The following SPAG5 variants were observed in gnomAD, a reference collection of about 807,000 sequenced individuals.
SPAG5 encodes sperm associated antigen 5, also known as sperm-associated antigen 5.
In SPAG5, 99 loss-of-function variants were observed where a neutral mutation model predicts 145.4. The ratio of observed to expected loss-of-function variants is 0.68; its 90% CI spans 0.58 to 0.80. The LOEUF (loss-of-function observed/expected upper bound fraction) is 0.80, where lower values mean the gene tolerates loss of function less well. Among genes scored for constraint, SPAG5 ranks in the 30% least tolerant of loss-of-function variants. The pLI, the probability that SPAG5 is intolerant of heterozygous loss-of-function variation, is 0.00. For missense variants in SPAG5, 1,192 were observed against 1,416.0 expected, an observed-to-expected ratio of 0.84 and a Z score of 2.54; for synonymous variants, 477 against 525.4, an observed-to-expected ratio of 0.91 and a Z score of 1.26.
At chr17:28,581,250 T>C (rs1043182996) in intron 15 of SPAG5, among the ~76,000 whole-genome samples, 1 of 152,170 alleles carries the variant, frequency 6.6e-6, no homozygotes, top group African/African-American at 2.4e-5. Flanking sequence ...AAAATACTTA[T>C]TATATGGCCA....
In SPAG5 at chr17:28,584,184, G is replaced by A; in HGVS notation, c.2378C>T (p.Ala793Val). The A allele has an allele frequency of 6.2e-7, 1 of 1,613,938 alleles. No individual in the cohort carries two copies. The highest frequency in any genetic ancestry group is 2.2e-5 in the East Asian group (1 of 44,884). ...CTCTTTCAGGTCCCGCACCTCTTTG[G>A]CCAGGACAGCTTGTTGCTGCTGCAG... ...AELQQQQAVL[A>V]KEVRDLKETL... The change falls in exon 13 of 24, where the codon GCC becomes GTC. Residue 793 changes from alanine to valine, a missense_variant. This residue lies in a region of SPAG5 where 709 missense variants were observed against 840.7 expected (regional missense o/e 0.84). Coordinates refer to ENST00000321765, the MANE Select transcript of SPAG5 (RefSeq NM_006461.4).
rs1374106632 is a variant in SPAG5, at chr17:28,586,136, A to G, written c.1559T>C (p.Leu520Pro). ...ATCTTCTTCTAAATGCAACAGGGAT[A>G]GGTGAAGCAAGGATATCAGCTCTTT... Reference protein sequence around the residue: ...ISKELISLLHLSLLHLEEDKT... With the variant: ...ISKELISLLHPSLLHLEEDKT... The change falls in exon 6 of 24, where the codon CTA becomes CCA. Residue 520 changes from leucine (L) to proline (P), a missense_variant. Leu to Pro is a moderately conservative substitution (Grantham distance 98, BLOSUM62 -3). Transcript: ENST00000321765. 1 of 1,614,084 alleles carries G rather than the reference A, an allele frequency of 6.2e-7. No homozygotes were observed. The highest frequency in any genetic ancestry group is 8.5e-7 in the Non-Finnish European group (1 of 1,180,024).
chr17:28,595,409 T>C (rs982787192), intron 2 of SPAG5, among the ~76,000 whole-genome samples: 3 of 152,214 alleles, frequency 2.0e-5, no homozygotes, highest in African/African-American at 4.8e-5. Flanking sequence ...TATACATTTA[T>C]ATATTCAAAT....
chr17:28,586,004 T>C lies in SPAG5; in HGVS notation c.1606-6A>G, dbSNP rs927955541. ...AATGTTTCTGCACGCCGAGACTATA[T>C]GGTAAGAATCAGTTAATGTGTCTGG... On this transcript the variant is annotated splice_region_variant and splice_polypyrimidine_tract_variant and intron_variant, in intron 6 of 23. Coordinates refer to ENST00000321765, the MANE Select transcript of SPAG5 (RefSeq NM_006461.4). 13 of 1,614,218 alleles carry C rather than the reference T, an allele frequency of 8.1e-6. No individual in the cohort carries two copies. The highest frequency in any genetic ancestry group is 7.6e-6 in the Non-Finnish European group (9 of 1,180,028).
rs753583160 is a variant in SPAG5 at position 28,585,964 on chromosome 17, A to C, written c.1640T>G (p.Phe547Cys). 6.2e-7 allele frequency: 1 copy of C among 1,614,132 alleles called. No homozygotes were observed. The highest frequency in any genetic ancestry group is 1.3e-5 in the African/African-American group (1 of 74,952). The change falls in exon 7 of 24, where the codon TTT becomes TGT. Residue 547 changes from phenylalanine to cysteine, a missense_variant. By Grantham distance (205) the Phe-to-Cys change is radical. This residue lies in a region of SPAG5 where 709 missense variants were observed against 840.7 expected (regional missense o/e 0.84). Coordinates refer to ENST00000321765, the MANE Select transcript of SPAG5 (RefSeq NM_006461.4). ...TGCCCTCAATTTCTTCAGCAAATCA[A>C]AACAGCAACAGACCAATGTTTCTGC... ...RRAETLVCCCFDLLKKLRAKL... is the reference protein window; with the variant it reads ...RRAETLVCCCCDLLKKLRAKL...
intron 13 of SPAG5, 81 bp from the exon 14 acceptor site, chr17:28,584,067 C>G: frequency 6.2e-7 from 1 of 1,608,428 alleles, no homozygotes; most frequent in East Asian, 2.2e-5. Context: ...AGTTCACAGT[C>G]TCAAACCTTA....
chr17:28,578,320 T>C, intron 21 of SPAG5, 28 bp from the exon 22 acceptor site: 2 of 1,613,882 alleles, frequency 1.2e-6, no homozygotes, highest in Non-Finnish European at 1.7e-6. Context: ...TCAACAGGGG[T>C]ACAGCCTGGG....
intron 2 of SPAG5, among the ~76,000 whole-genome samples, chr17:28,594,204 G>C (rs944983717): frequency 7.2e-5 from 11 of 152,304 alleles, no homozygotes; most frequent in Admixed American, 2.0e-4. Flanking sequence ...GACTAGAAAA[G>C]ATACATGCTA....
At position 28,584,334 on chromosome 17, in the gene SPAG5, G is replaced by C; in HGVS notation, c.2308C>G (p.Gln770Glu). The C allele has an allele frequency of 6.2e-7, 1 of 1,614,118 alleles. No homozygotes were observed. ...LTQSNEEQAA[Q>E]WQKEEMALKH... is the part of the protein sequence containing the mutation. ...CACAGTACCCCGTTAGGAACTCACTGAGCAGCCTGCTCCTCATTGCTCTGG... is the reference window on the plus strand; with the variant it reads ...CACAGTACCCCGTTAGGAACTCACTCAGCAGCCTGCTCCTCATTGCTCTGG... Residue 770 changes from glutamine (Q) to glutamate (E), a missense_variant and splice_region_variant, in exon 12 of 24, where the codon CAA (glutamine) becomes GAA (glutamate). Physicochemically the swap from Gln to Glu is conservative, Grantham distance 29. This residue lies in a region of SPAG5 where 709 missense variants were observed against 840.7 expected (regional missense o/e 0.84). Coordinates refer to ENST00000321765, the MANE Select transcript of SPAG5 (RefSeq NM_006461.4).
chr17:28,581,499 C>T (rs1483190470), intron 15 of SPAG5, among the ~76,000 whole-genome samples: 1 of 151,230 alleles, frequency 6.6e-6, no homozygotes, highest in Admixed American at 6.6e-5. Context: ...CATGGCTCAA[C>T]CTCTTCTGTT....
At chr17:28,580,741 G>A (rs944272420) in intron 15 of SPAG5, 3 of 152,200 alleles carry the variant, frequency 2.0e-5, no homozygotes, top group Non-Finnish European at 2.9e-5. Context: ...TGGATCCTCT[G>A]GGTTAAGTCC....
rs1214316861 is a variant in SPAG5, at chr17:28,579,125, T to C, written c.3117+16A>G. 1 of 1,603,308 alleles carries C rather than the reference T, an allele frequency of 6.2e-7. No individual in the cohort carries two copies. The highest frequency in any genetic ancestry group is 8.5e-7 in the Non-Finnish European group (1 of 1,172,004). ...CCCCAGTTCTTCATCGCCCCACTTC[T>C]AGGTCCCTCCTTCACCTTGTAGCGC... On this transcript the variant is annotated intron_variant, in intron 19 of 23. Transcript: ENST00000321765.
At position 28,578,486 on chromosome 17, in the gene SPAG5, G is replaced by A. The variant is rs1477717353; in HGVS notation, c.3241C>T (p.Arg1081Cys). 4.3e-6 allele frequency: 7 copies of A among 1,612,328 alleles called. No individual in the cohort carries two copies. The highest frequency in any genetic ancestry group is 3.3e-5 in the South Asian group (3 of 91,092). Residue 1081 changes from arginine (R) to cysteine (C), a missense_variant, in exon 21 of 24, where the codon CGT becomes TGT. Around this residue, in one of 5 missense-constraint regions of SPAG5, gnomAD observed 709 missense variants for 840.7 expected, o/e 0.84. Coordinates refer to ENST00000321765, the MANE Select transcript of SPAG5 (RefSeq NM_006461.4). ...AGCACTTTGGTCTCTGTCTCCGCAC[G>A]CCGAAGTGAGCGGGTAAGGTGGGTC... ...EVTHLTRSLR[R>C]AETETKVLQE...
At position 28,579,787 on chromosome 17, in the gene SPAG5, T is replaced by C. The variant is rs755421163; in HGVS notation, c.2848A>G (p.Thr950Ala). Residue 950 changes from threonine to alanine, a missense_variant, in exon 17 of 24, where the codon ACC becomes GCC. This residue lies in a region of SPAG5 where 709 missense variants were observed against 840.7 expected (regional missense o/e 0.84). Coordinates refer to ENST00000321765, the MANE Select transcript of SPAG5 (RefSeq NM_006461.4). Reference protein sequence around the residue: ...PLLGSDKSAFTRVASMVSLQP... With the variant: ...PLLGSDKSAFARVASMVSLQP... ...AGGGAAACCATTGATGCTACTCGGG[T>C]GAAAGCACTCTTGTCACTTCCAAGC... 13 of 1,614,022 alleles carry C rather than the reference T, an allele frequency of 8.1e-6. No homozygotes were observed. Among genetic ancestry groups the C allele is most frequent in the Non-Finnish European group, 9.3e-6 (11 of 1,180,032 alleles).
chr17:28,579,286 C>T, intron 18 of SPAG5, 34 bp from the exon 19 acceptor site: 1 of 1,613,584 alleles, frequency 6.2e-7, no homozygotes, highest in South Asian at 1.1e-5. Flanking sequence ...ACATTCCTGT[C>T]CTCTCAGGGA....
At chr17:28,598,226 G>A (rs896898888) in intron 2 of SPAG5, among the ~76,000 whole-genome samples, 3 of 152,166 alleles carry the variant, frequency 2.0e-5, no homozygotes, top group Non-Finnish European at 4.4e-5. Context: ...GTTGGAGGAA[G>A]AGCACTAATC....
At position 28,598,979 on chromosome 17, in the gene SPAG5, G is replaced by C. The variant is rs372696632; in HGVS notation, c.-33C>G. On this transcript the variant is annotated 5_prime_UTR_variant, in exon 1 of 24. Coordinates refer to ENST00000321765, the MANE Select transcript of SPAG5 (RefSeq NM_006461.4). Reference sequence around the variant, plus strand: ...CAGAAGGCAGGCCTATCACGTCTCAGACCAAGTCGAGGACGCCATGTTCAC... The same window carrying C: ...CAGAAGGCAGGCCTATCACGTCTCACACCAAGTCGAGGACGCCATGTTCAC... The C allele has an allele frequency of 5.4e-5, 87 of 1,609,240 alleles. No homozygotes were observed. The African/African-American group carries it at 8.9e-4, about 17-fold the overall frequency.
At chr17:28,595,110 T>C (rs1345655270) in intron 2 of SPAG5, among the ~76,000 whole-genome samples, 1 of 151,648 alleles carries the variant, frequency 6.6e-6, no homozygotes, top group African/African-American at 2.4e-5. Flanking sequence ...ATACAAAAAT[T>C]AGCTGGGCAT....
At chr17:28,593,225 T>C (rs2070636886) in intron 2 of SPAG5, among the ~76,000 whole-genome samples, 159 bp from the exon 3 acceptor site, 1 of 152,188 alleles carries the variant, frequency 6.6e-6, no homozygotes, top group Non-Finnish European at 1.5e-5. Flanking sequence ...AGAGACCCAA[T>C]AGTAGGGAAA....
Sources: gnomAD v4.1 joint callset for allele counts (sites outside exome capture counted in the v4.1 genomes callset) on GRCh38, gnomAD v4.1.1 for gene constraint, gnomAD v4.1.1 regional missense constraint, MANE v1.5 for transcripts, NCBI Gene and HGNC (gene_info 2026-07-23, HGNC 2026-07-21) for gene names.